The following ADGB variants were observed in gnomAD, a reference collection of about 807,000 sequenced individuals.
The protein encoded by ADGB is calpain-7-like protein.
A neutral mutation model predicts 210.5 loss-of-function variants in ADGB; 172 were observed. The observed-to-expected ratio is 0.82, with a 90% confidence interval of 0.72 to 0.93. The LOEUF (loss-of-function observed/expected upper bound fraction) is 0.93, where lower values mean the gene tolerates loss of function less well. Among genes scored for constraint, ADGB ranks in the 40% least tolerant of loss-of-function variants. The pLI is 0.00. For missense variants in ADGB, 2,025 were observed against 1,964.8 expected (o/e 1.03, Z -0.58); for synonymous variants, 658 against 662.7 (o/e 0.99, Z 0.11).
chr6:146,683,528 T>C (rs1283664740), intron 9 of ADGB, among the ~76,000 whole-genome samples: 5 of 152,122 alleles, frequency 3.3e-5, no homozygotes, highest in East Asian at 3.9e-4. Context: ...TAAACACTTG[T>C]GTTATTTTTT....
Position 146,644,796 on chromosome 6 carries a change from A to G in ADGB, c.261A>G (p.Gly87=). ...PVFHFFEDPE[G]KIELPPSLKI... ...AGCATTTTTTTGAGGACCCTGAAGG[A>G]AAGATTGAGTTACCACCATCCTTGA... The change falls in exon 3 of 36, where the codon GGA becomes GGG. Residue 87 remains glycine (G), a synonymous_variant. Transcript: ENST00000397944. 1.3e-5 allele frequency: 20 copies of G among 1,484,758 alleles called. No individual in the cohort carries two copies. Among genetic ancestry groups the G allele is most frequent in the Non-Finnish European group, 1.6e-5 (18 of 1,116,562 alleles). The allele number at this position is 1,484,758 out of a possible 1,614,324, so 92.0% of individuals were successfully genotyped here. A position where few individuals can be genotyped will look rare whatever the true frequency, so the allele number is the denominator to read the frequency against.
chr6:146,749,908 A>G (rs1777294250), intron 26 of ADGB, among the ~76,000 whole-genome samples: 1 of 151,640 alleles, frequency 6.6e-6, no homozygotes, highest in African/African-American at 2.4e-5. Context: ...TCATGAGGAC[A>G]GCAAGGGGAA....
intron 2 of ADGB, among the ~76,000 whole-genome samples, chr6:146,644,570 G>A (rs180797601): frequency 6.6e-6 from 1 of 151,810 alleles, no homozygotes; most frequent in Non-Finnish European, 1.5e-5. Flanking sequence ...TGTAATCCAT[G>A]AGTATATGTT....
Position 146,710,657 on chromosome 6 carries a change from TGAGGAG to T in ADGB, c.1708-4724_1708-4719del, listed in dbSNP as rs1486080382. 8.0e-4 allele frequency among the ~76,000 whole-genome samples: 110 copies of T among 137,420 alleles called. 1 individual carries two copies. Among genetic ancestry groups the T allele is most frequent in the Non-Finnish European group, 2.9e-5 (2 of 67,848 alleles). The allele number at this position is 137,420 out of a possible 152,430, so 90.2% of individuals were successfully genotyped here. A position where few individuals can be genotyped will look rare whatever the true frequency, so the allele number is the denominator to read the frequency against. On this transcript the variant is annotated intron_variant, in intron 13 of 35. Coordinates refer to ENST00000397944, the MANE Select transcript of ADGB (RefSeq NM_024694.4). ...TAGAAAGCAGAGATTAATAGGTGAT[TGAGGAG>T]AATGAATATCTGTCAACATTTTTTG...
intron 26 of ADGB, among the ~76,000 whole-genome samples, chr6:146,750,998 T>A (rs552986777): frequency 8.5e-5 from 13 of 152,290 alleles, no homozygotes; most frequent in Admixed American, 3.3e-4. Flanking sequence ...AGTTCTGGTG[T>A]ACCTGTGCAA....
At chr6:146,721,086 G>A (rs1041468045) in intron 16 of ADGB, among the ~76,000 whole-genome samples, 1 of 152,038 alleles carries the variant, frequency 6.6e-6, no homozygotes, top group African/African-American at 2.4e-5. Flanking sequence ...ACTCTGCCCT[G>A]GGCTCGGCCT....
rs560843779 is a variant in ADGB, at chr6:146,695,447, T to C, written c.1577+2532T>C. Among the ~76,000 whole-genome samples, 20 of 152,264 alleles carry C rather than the reference T, an allele frequency of 1.3e-4. No individual in the cohort carries two copies. In the South Asian group the frequency reaches 2.1e-3, roughly 16 times the overall value. Reference sequence around the variant, plus strand: ...ATTTAACATAGTAACTTGGAAATCATAGGCATTAAGTAAATCATAGGTATT... The same window carrying C: ...ATTTAACATAGTAACTTGGAAATCACAGGCATTAAGTAAATCATAGGTATT... On this transcript the variant is annotated intron_variant, in intron 12 of 35. Coordinates refer to ENST00000397944, the MANE Select transcript of ADGB (RefSeq NM_024694.4).
intron 8 of ADGB, among the ~76,000 whole-genome samples, chr6:146,674,439 C>T (rs952424024): frequency 6.6e-6 from 1 of 152,006 alleles, no homozygotes; most frequent in African/African-American, 2.4e-5. Context: ...GGAGCAAGTT[C>T]CACACCCCAG....
At chr6:146,796,571 A>G (rs1425668853) in intron 33 of ADGB, among the ~76,000 whole-genome samples, 1 of 152,202 alleles carries the variant, frequency 6.6e-6, no homozygotes, top group Non-Finnish European at 1.5e-5. Flanking sequence ...AATTACTTAC[A>G]GCCATCTGTT....
At chr6:146,666,285 C>T (rs769520027) in intron 6 of ADGB, among the ~76,000 whole-genome samples, 8 of 152,010 alleles carry the variant, frequency 5.3e-5, no homozygotes, top group Non-Finnish European at 1.0e-4. Context: ...ATCATATCCT[C>T]GTTTTACTTT....
intron 35 of ADGB, among the ~76,000 whole-genome samples, chr6:146,806,293 T>C (rs1583648796): frequency 1.3e-5 from 2 of 152,184 alleles, no homozygotes; most frequent in East Asian, 3.9e-4. Flanking sequence ...AGAAACATGA[T>C]CAATAACATA....
chr6:146,728,504 A>T, intron 19 of ADGB, 70 bp from the exon 20 acceptor site: 1 of 1,370,818 alleles, frequency 7.3e-7, no homozygotes, highest in Non-Finnish European at 9.9e-7. Flanking sequence ...ATTTTAACAG[A>T]TATTAATTTG....
Position 146,740,424 on chromosome 6 carries a change from T to TGC in ADGB, c.2889-34_2889-33dup, listed in dbSNP as rs1375954519. On this transcript the variant is annotated intron_variant, in intron 23 of 35. Transcript: ENST00000397944. ...TAGAGTTTATCTTTAAAGTGGCTTTTGCCATTGATACATAATTTATTTTTA... is the reference window on the plus strand; with the variant it reads ...TAGAGTTTATCTTTAAAGTGGCTTTTGCGCCATTGATACATAATTTATTTTTA... 5 of 1,476,028 alleles carry TGC rather than the reference T, an allele frequency of 3.4e-6. No homozygotes were observed. In the Admixed American group the frequency reaches 1.2e-4, roughly 36 times the overall value. 91.4% of individuals were successfully genotyped at this position (1,476,028 alleles called of 1,614,324 possible).
intron 34 of ADGB, 21 bp downstream of exon 34, chr6:146,801,300 T>C (rs759312920): frequency 1.5e-6 from 2 of 1,316,566 alleles, no homozygotes; most frequent in Non-Finnish European, 1.0e-6. Context: ...ATAAACATGA[T>C]TGATGCAGAC....
At chr6:146,659,775 T>A (rs1775830396) in intron 5 of ADGB, among the ~76,000 whole-genome samples, 2 of 152,124 alleles carry the variant, frequency 1.3e-5, no homozygotes, top group Non-Finnish European at 2.9e-5. Context: ...GGGACACATA[T>A]CATCTCGTCA....
chr6:146,691,112 C>T lies in ADGB; in HGVS notation c.1312-4C>T, dbSNP rs995227590. 6.6e-7 allele frequency: 1 copy of T among 1,515,076 alleles called. No individual in the cohort carries two copies. The allele number at this position is 1,515,076 out of a possible 1,614,324, so 93.9% of individuals were successfully genotyped here. The stretch of plus-strand genomic sequence containing the variant: ...TGCTTTTCAATTTACTTTCCATCTT[C>T]TAGGCAGATTCTGCTGAGAAACTTA... On this transcript the variant is annotated splice_region_variant and splice_polypyrimidine_tract_variant and intron_variant, in intron 10 of 35. Coordinates refer to ENST00000397944, the MANE Select transcript of ADGB (RefSeq NM_024694.4).
chr6:146,676,167 G>A, intron 8 of ADGB, 146 bp from the exon 9 acceptor site: 3 of 655,094 alleles, frequency 4.6e-6, no homozygotes, highest in Non-Finnish European at 7.1e-6. Context: ...AATTAGAGGG[G>A]ATCATGTTTT....
chr6:146,765,682 T>C (rs1380512016), intron 28 of ADGB, among the ~76,000 whole-genome samples: 2 of 151,484 alleles, frequency 1.3e-5, no homozygotes, highest in Admixed American at 6.6e-5. Flanking sequence ...TCAATAACAA[T>C]CCAAATTTGT....
chr6:146,648,927 C>A (rs1775659119), intron 3 of ADGB, among the ~76,000 whole-genome samples: 1 of 151,638 alleles, frequency 6.6e-6, no homozygotes, highest in Non-Finnish European at 1.5e-5. Context: ...ATAAATGAAA[C>A]CATTTTACAA....
Sources: gnomAD v4.1 joint callset for allele counts (sites outside exome capture counted in the v4.1 genomes callset) on GRCh38, gnomAD v4.1.1 for gene constraint, MANE v1.5 for transcripts, NCBI Gene and HGNC (gene_info 2026-07-23, HGNC 2026-07-21) for gene names.